The following IL1RAPL2 variants were observed in gnomAD, a reference collection of about 807,000 sequenced individuals.
IL1RAPL2 encodes X-linked interleukin-1 receptor accessory protein-like 2.
Under a neutral mutation model 44.1 loss-of-function variants are expected in IL1RAPL2, and 3 were observed. That is an observed-to-expected ratio of 0.07 (90% CI 0.03 to 0.18). The LOEUF (loss-of-function observed/expected upper bound fraction) is 0.18. Among genes scored for constraint, IL1RAPL2 ranks in the 10% least tolerant of loss-of-function variants. IL1RAPL2 has a pLI of 1.00. For missense variants in IL1RAPL2, 391 were observed against 496.4 expected (o/e 0.79, Z 2.02); for synonymous variants, 181 against 178.8 (o/e 1.01, Z -0.10).
intron 4 of IL1RAPL2, among the ~76,000 whole-genome samples, chrX:105,257,481 T>G (rs1045520649): frequency 1.8e-5 from 2 of 111,710 alleles, no homozygotes; most frequent in African/African-American, 3.3e-5. Flanking sequence ...GTTCGGGTCT[T>G]GAATATCTTT....
chrX:104,893,786 G>A (rs112077130), intron 2 of IL1RAPL2, among the ~76,000 whole-genome samples: 35 of 111,307 alleles, frequency 3.1e-4, no homozygotes, highest in African/African-American at 8.8e-4. Flanking sequence ...GCCCATTTAC[G>A]TTTAAGGTTA....
chrX:105,138,840 C>T (rs887748878), intron 2 of IL1RAPL2, among the ~76,000 whole-genome samples: 1 of 111,212 alleles, frequency 9.0e-6, no homozygotes, highest in African/African-American at 3.3e-5. Flanking sequence ...TCTCTGCTGT[C>T]TTCCTAGAGT....
At chrX:105,373,492 C>A (rs1002945276) in intron 5 of IL1RAPL2, among the ~76,000 whole-genome samples, 5 of 111,802 alleles carry the variant, frequency 4.5e-5, no homozygotes, top group Non-Finnish European at 7.5e-5. Flanking sequence ...TTGATAGTTT[C>A]TTTCACTGTG....
Position 104,724,624 on chromosome X carries a change from C to A in IL1RAPL2, c.82+65629C>A, listed in dbSNP as rs190218675. 1.5e-3 allele frequency among the ~76,000 whole-genome samples: 165 copies of A among 110,383 alleles called. 1 individual carries two copies. The highest frequency in any genetic ancestry group is 5.3e-3 in the African/African-American group (162 of 30,443). Reference sequence around the variant, plus strand: ...ACATGTGTAATGAAACTGGAGAGCCCCAAAGAAAAATGGATAATGTTAAAA... The same window carrying A: ...ACATGTGTAATGAAACTGGAGAGCCACAAAGAAAAATGGATAATGTTAAAA... On this transcript the variant is annotated intron_variant, in intron 2 of 10. Transcript: ENST00000372582.
At chrX:105,078,197 A>T (rs1292265293) in intron 2 of IL1RAPL2, among the ~76,000 whole-genome samples, 1 of 111,182 alleles carries the variant, frequency 9.0e-6, no homozygotes, top group Non-Finnish European at 1.9e-5. Flanking sequence ...ATGGTGACGT[A>T]TAGATGGGTT....
intron 2 of IL1RAPL2, among the ~76,000 whole-genome samples, chrX:104,682,167 C>T (rs1475125668): frequency 1.8e-5 from 2 of 111,949 alleles, no homozygotes; most frequent in African/African-American, 6.5e-5. Context: ...CATTTGCACC[C>T]ATATCTTACT....
chrX:104,854,003 G>C lies in IL1RAPL2; in HGVS notation c.82+195008G>C, dbSNP rs773184448. On this transcript the variant is annotated intron_variant, in intron 2 of 10. Coordinates refer to ENST00000372582, the MANE Select transcript of IL1RAPL2 (RefSeq NM_017416.2). Reference sequence around the variant, plus strand: ...CAGAAGAATATGAATTCATGTCTTAGATAGTGACAAGCTCCTGAATGTTTT... The same window carrying C: ...CAGAAGAATATGAATTCATGTCTTACATAGTGACAAGCTCCTGAATGTTTT... 4.5e-5 allele frequency among the ~76,000 whole-genome samples: 5 copies of C among 110,612 alleles called. No individual in the cohort carries two copies. In the South Asian group the frequency reaches 1.6e-3, roughly 35 times the overall value.
intron 5 of IL1RAPL2, among the ~76,000 whole-genome samples, chrX:105,300,792 A>G (rs1216303635): frequency 9.0e-6 from 1 of 111,460 alleles, no homozygotes; most frequent in East Asian, 2.8e-4. Flanking sequence ...AAAGGATCCT[A>G]GTAAACCAGT....
chrX:105,605,005 A>G (rs977009567), intron 6 of IL1RAPL2, among the ~76,000 whole-genome samples: 1 of 110,838 alleles, frequency 9.0e-6, no homozygotes, highest in Non-Finnish European at 1.9e-5. Context: ...AATAAAGGCC[A>G]TATATGACAA....
At chrX:105,746,263 G>T (rs764862739) in intron 8 of IL1RAPL2, among the ~76,000 whole-genome samples, 10 of 112,291 alleles carry the variant, frequency 8.9e-5, no homozygotes, top group Non-Finnish European at 9.4e-5. Flanking sequence ...CATGTACTTT[G>T]GGTGCCTAGA....
chrX:104,916,169 A>G (rs1271812599), intron 2 of IL1RAPL2, among the ~76,000 whole-genome samples: 1 of 111,594 alleles, frequency 9.0e-6, no homozygotes, highest in Non-Finnish European at 1.9e-5. Flanking sequence ...CAGTGAGGCC[A>G]TTTTCACGAT....
chrX:105,627,408 G>A (rs779207717), intron 6 of IL1RAPL2, among the ~76,000 whole-genome samples: 6 of 111,570 alleles, frequency 5.4e-5, no homozygotes, highest in Non-Finnish European at 9.4e-5. Context: ...GAGAGAAGGT[G>A]AGAATCTATA....
At chrX:105,595,106 T>C (rs1353830504) in intron 6 of IL1RAPL2, among the ~76,000 whole-genome samples, 2 of 112,184 alleles carry the variant, frequency 1.8e-5, no homozygotes, top group African/African-American at 3.2e-5. Flanking sequence ...ATTTTAACAA[T>C]AGCACAGAGT....
chrX:105,256,859 C>T (rs746319018), intron 4 of IL1RAPL2, among the ~76,000 whole-genome samples: 1 of 111,449 alleles, frequency 9.0e-6, no homozygotes. Flanking sequence ...CTCTCTTCTT[C>T]TTTATTAGTC....
chrX:105,025,965 T>G lies in IL1RAPL2; in HGVS notation c.83-169510T>G, dbSNP rs762287306. Among the ~76,000 whole-genome samples the G allele has an allele frequency of 2.0e-4, 22 of 111,059 alleles. No individual in the cohort carries two copies. In the South Asian group the frequency reaches 7.6e-3, roughly 38 times the overall value. On this transcript the variant is annotated intron_variant, in intron 2 of 10. Coordinates refer to ENST00000372582, the MANE Select transcript of IL1RAPL2 (RefSeq NM_017416.2). Reference sequence around the variant, plus strand: ...AGAGGTTGAAATAAATGGGAACTAATTGATTTTCCCATGAAGATAACAACA... The same window carrying G: ...AGAGGTTGAAATAAATGGGAACTAAGTGATTTTCCCATGAAGATAACAACA...
intron 5 of IL1RAPL2, among the ~76,000 whole-genome samples, chrX:105,336,889 G>T (rs2035032715): frequency 9.0e-6 from 1 of 111,422 alleles, no homozygotes; most frequent in Admixed American, 9.5e-5. Flanking sequence ...AGAAACCTAG[G>T]CATCTCTGAT....
chrX:104,663,694 C>T, intron 2 of IL1RAPL2, among the ~76,000 whole-genome samples: 2 of 106,236 alleles, frequency 1.9e-5, no homozygotes. Context: ...GAAAGTGGTA[C>T]TAGAAGAATT....
intron 6 of IL1RAPL2, among the ~76,000 whole-genome samples, chrX:105,671,780 G>A (rs920360854): frequency 3.6e-5 from 4 of 111,319 alleles, no homozygotes; most frequent in Admixed American, 9.6e-5. Context: ...GACTCCAATG[G>A]CTTGAATGTG....
chrX:105,250,165 A>G (rs2034257698), intron 4 of IL1RAPL2, among the ~76,000 whole-genome samples: 1 of 111,417 alleles, frequency 9.0e-6, no homozygotes, highest in South Asian at 3.7e-4. Context: ...AGTACTATAG[A>G]GAGAATAAAA....
Sources: allele counts gnomAD v4.1 joint callset (sites outside exome capture counted in the v4.1 genomes callset), GRCh38; gene constraint gnomAD v4.1.1; transcripts MANE v1.5; gene names NCBI Gene and HGNC (gene_info 2026-07-23, HGNC 2026-07-21).